The following LRP5 variants were observed in gnomAD, a reference collection of about 807,000 sequenced individuals.
The protein encoded by LRP5 is low-density lipoprotein receptor-related protein 5.
A neutral mutation model predicts 154.1 loss-of-function variants in LRP5; 62 were observed. The observed-to-expected ratio is 0.40, with a 90% confidence interval of 0.33 to 0.50. The LOEUF (loss-of-function observed/expected upper bound fraction) is 0.50, where lower values mean the gene tolerates loss of function less well. Among genes scored for constraint, LRP5 ranks in the 20% least tolerant of loss-of-function variants. The probability of loss-of-function intolerance (pLI) is 0.55; values close to 1 mark genes in which losing one functional copy is unlikely to be tolerated. For synonymous variants in LRP5, 966 were observed against 1,011.5 expected (o/e 0.96, Z 0.85); for missense variants, 1,915 against 2,336.7 (o/e 0.82, Z 3.72).
chr11:68,436,327 T>C (rs1565114339), intron 18 of LRP5, among the ~76,000 whole-genome samples: 2 of 151,872 alleles, frequency 1.3e-5, no homozygotes, highest in Admixed American at 1.3e-4. Flanking sequence ...TCCCTCTGGG[T>C]GGGCGTCTGG....
At chr11:68,339,883 A>C (rs907739700) in intron 1 of LRP5, among the ~76,000 whole-genome samples, 1 of 152,170 alleles carries the variant, frequency 6.6e-6, no homozygotes, top group African/African-American at 2.4e-5. Context: ...TCATAGGATC[A>C]TTCTATGTGT....
At chr11:68,337,968 C>T (rs779546196) in intron 1 of LRP5, among the ~76,000 whole-genome samples, 3 of 152,206 alleles carry the variant, frequency 2.0e-5, no homozygotes, top group Non-Finnish European at 4.4e-5. Context: ...AGGCTCCAGG[C>T]ATTACCTGTC....
rs1380761384 is a variant in LRP5 at position 68,403,472 on chromosome 11, C to T, written c.1585-11C>T. 1.9e-6 allele frequency: 3 copies of T among 1,612,782 alleles called. No homozygotes were observed. In the Admixed American group the frequency reaches 5.0e-5, roughly 27 times the overall value. On this transcript the variant is annotated splice_polypyrimidine_tract_variant and intron_variant, in intron 7 of 22. Coordinates refer to ENST00000294304, the MANE Select transcript of LRP5 (RefSeq NM_002335.4). The stretch of plus-strand genomic sequence containing the variant: ...TGGCCCATCCAGACCTATATTTCTG[C>T]CGTCCTGCAGGTGATCAATGTTGAT...
intron 5 of LRP5, among the ~76,000 whole-genome samples, chr11:68,366,736 G>A (rs920073284): frequency 2.6e-5 from 4 of 152,170 alleles, no homozygotes; most frequent in Admixed American, 6.5e-5. Flanking sequence ...TGGTTGGAGA[G>A]CCTCCCCGAC....
intron 9 of LRP5, among the ~76,000 whole-genome samples, chr11:68,409,065 A>ATAT (rs1415459656): frequency 7.6e-4 from 25 of 32,772 alleles, no homozygotes; most frequent in South Asian, 5.3e-3. Flanking sequence ...AAAAAAAAAA[A>ATAT]AAAAAAAAAT....
rs189955824 is a variant in LRP5 at position 68,326,086 on chromosome 11, G to A, written c.91+13281G>A. On this transcript the variant is annotated intron_variant, in intron 1 of 22. Transcript: ENST00000294304. ...ATGACAACGTGGAGCCTATTCAGTC[G>A]GTACCGAGTGTGCGTCCTTGCCTAG... Among the ~76,000 whole-genome samples, 7 of 152,334 alleles carry A rather than the reference G, an allele frequency of 4.6e-5. No homozygotes were observed. The East Asian group carries it at 7.7e-4, about 17-fold the overall frequency.
chr11:68,446,753 C>G (rs1458207838), intron 22 of LRP5, among the ~76,000 whole-genome samples: 3 of 152,228 alleles, frequency 2.0e-5, no homozygotes, highest in Non-Finnish European at 1.5e-5. Context: ...CAGCAGAACT[C>G]CACGTTCTGA....
chr11:68,367,616 A>G (rs1354440124), intron 5 of LRP5, among the ~76,000 whole-genome samples: 3 of 152,080 alleles, frequency 2.0e-5, no homozygotes, highest in Non-Finnish European at 4.4e-5. Flanking sequence ...TCAGTGCTGG[A>G]GCTGGACCCT....
At chr11:68,445,480 C>CCGTATCATTAAAAAA in intron 21 of LRP5, 4 of 566,678 alleles carry the variant, frequency 7.1e-6, no homozygotes, top group South Asian at 3.4e-5. Context: ...GTCTGTCTGG[C>CCGTATCATTAAAAAA]GTGAAAGGCA....
In LRP5 at chr11:68,411,615, T is replaced by G; in HGVS notation, c.2498T>G (p.Met833Arg). Residue 833 changes from methionine (M) to arginine (R), a missense_variant, in exon 11 of 23, where the codon ATG (methionine) becomes AGG (arginine). Around this residue, in one of 3 missense-constraint regions of LRP5, gnomAD observed 1,094 missense variants for 1,210.1 expected, o/e 0.90. Coordinates refer to ENST00000294304, the MANE Select transcript of LRP5 (RefSeq NM_002335.4). ...LDTNMIESSNMLGQERVVIAD... is the reference protein window; with the variant it reads ...LDTNMIESSNRLGQERVVIAD... ...ACCAACATGATCGAGTCGTCCAACA[T>G]GCTGGGTGAGGGCCGGGCTGGGGCC... 6.2e-7 allele frequency: 1 copy of G among 1,610,280 alleles called. No individual in the cohort carries two copies. The highest frequency in any genetic ancestry group is 1.7e-4 in the Middle Eastern group (1 of 6,000).
intron 9 of LRP5, among the ~76,000 whole-genome samples, chr11:68,409,221 T>A (rs898686102): frequency 7.4e-4 from 45 of 61,000 alleles, no homozygotes; most frequent in African/African-American, 1.8e-3. Flanking sequence ...ATATATAATA[T>A]ATAATATAAA....
chr11:68,329,547 T>G (rs900913214), intron 1 of LRP5, among the ~76,000 whole-genome samples: 1 of 152,184 alleles, frequency 6.6e-6, no homozygotes, highest in African/African-American at 2.4e-5. Flanking sequence ...TTTCAGTAAG[T>G]GCAAGCCCTC....
Position 68,409,296 on chromosome 11 carries a change from AATAC to A in LRP5, c.2092-613_2092-610del, listed in dbSNP as rs1251794715. On this transcript the variant is annotated intron_variant, in intron 9 of 22. Transcript: ENST00000294304. ...AAATATATATTTATAAATAATATAT[AATAC>A]ATACTTATAAGTATATATTTAAAAT... Among the ~76,000 whole-genome samples, 5 of 143,278 alleles carry A rather than the reference AATAC, an allele frequency of 3.5e-5. No homozygotes were observed. The South Asian group carries it at 8.4e-4, about 24-fold the overall frequency. 94.0% of individuals were successfully genotyped at this position (143,278 alleles called of 152,430 possible). A position where few individuals can be genotyped will look rare whatever the true frequency, so the allele number is the denominator to read the frequency against.
chr11:68,430,393 C>T (rs1219355716), intron 17 of LRP5, among the ~76,000 whole-genome samples: 16 of 152,262 alleles, frequency 1.1e-4, no homozygotes, highest in East Asian at 1.9e-4. Context: ...AGGCTGGTCT[C>T]GAACTCCTGA....
At chr11:68,369,871 C>T (rs565366050) in intron 5 of LRP5, among the ~76,000 whole-genome samples, 2 of 152,176 alleles carry the variant, frequency 1.3e-5, no homozygotes, top group African/African-American at 2.4e-5. Flanking sequence ...GGCCACTGCT[C>T]ATCCAGGGGT....
chr11:68,423,732 G>C lies in LRP5; in HGVS notation c.3236+35G>C. The stretch of plus-strand genomic sequence containing the variant: ...CAACGGGTGGGTGGGGGTGCTGCCC[G>C]TCCAGGCGTGCCCGCCGTGTCTTCT... On this transcript the variant is annotated intron_variant, in intron 14 of 22. Transcript: ENST00000294304. The surrounding 1 kb of genome is among the most constrained non-coding windows in gnomAD (Gnocchi z 4.7). 1 of 1,572,484 alleles carries C rather than the reference G, an allele frequency of 6.4e-7. No individual in the cohort carries two copies. The highest frequency in any genetic ancestry group is 8.6e-7 in the Non-Finnish European group (1 of 1,158,074).
rs766293910 is a variant in LRP5 at position 68,386,405 on chromosome 11, G to A, written c.1105G>A (p.Val369Met). The A allele has an allele frequency of 7.4e-6, 12 of 1,614,000 alleles. No homozygotes were observed. In the South Asian group the frequency reaches 1.3e-4, roughly 18 times the overall value. The stretch of plus-strand genomic sequence containing the variant: ...GGACTTCACCGACATCGTGCTGCAG[G>A]TGGACGACATCCGGCACGCCATTGC... ...TPDFTDIVLQ[V>M]DDIRHAIAID... Residue 369 changes from valine (V) to methionine (M), a missense_variant, in exon 6 of 23, where the codon GTG (valine) becomes ATG (methionine). Val to Met is a conservative substitution (Grantham distance 21). This residue lies in a region of LRP5 where 773 missense variants were observed against 1,100.9 expected (regional missense o/e 0.70). Transcript: ENST00000294304. The surrounding 1 kb of genome is among the most constrained non-coding windows in gnomAD (Gnocchi z 7.9).
At position 68,413,588 on chromosome 11, in the gene LRP5, C is replaced by G; in HGVS notation, c.2504-101C>G. ...ACACTTTAAGGCATTCATGTGGTCG[C>G]TAGGCTGCAGGGTTGAACCCTGGCT... On this transcript the variant is annotated intron_variant, in intron 11 of 22. Transcript: ENST00000294304. The surrounding 1 kb of genome is among the most constrained non-coding windows in gnomAD (Gnocchi z 5.1). The G allele has an allele frequency of 9.5e-7, 1 of 1,049,428 alleles. No homozygotes were observed. Among genetic ancestry groups the G allele is most frequent in the Non-Finnish European group, 1.5e-6 (1 of 677,378 alleles). 65.0% of individuals were successfully genotyped at this position (1,049,428 alleles called of 1,614,324 possible).
intron 1 of LRP5, among the ~76,000 whole-genome samples, chr11:68,346,803 T>A (rs1484795311): frequency 6.6e-6 from 1 of 152,180 alleles, no homozygotes; most frequent in African/African-American, 2.4e-5. Context: ...GCCCTTAACC[T>A]CCTCCTGTCC....
Sources: gnomAD v4.1 joint callset for allele counts (sites outside exome capture counted in the v4.1 genomes callset) on GRCh38, gnomAD v4.1.1 for gene constraint, gnomAD v4.1.1 regional missense constraint, Gnocchi (gnomAD v3.1) non-coding constraint, MANE v1.5 for transcripts, NCBI Gene and HGNC (gene_info 2026-07-23, HGNC 2026-07-21) for gene names.